The following CFTR variants were observed in gnomAD, a reference collection of about 807,000 sequenced individuals.
The protein encoded by CFTR is CF transmembrane conductance regulator.
In CFTR, 181 loss-of-function variants were observed where a neutral mutation model predicts 171.6. The observed-to-expected ratio is 1.05, with a 90% CI of 0.93 to 1.19. The LOEUF is 1.19. CFTR is among the 50% of genes most tolerant of loss of function. The pLI is 0.00. For synonymous variants in CFTR, 583 were observed against 608.0 expected (o/e 0.96, Z 0.60); for missense variants, 1,968 against 1,734.7 (o/e 1.13, Z -2.39).
chr7:117,554,835 C>T (rs139600152), intron 10 of CFTR, among the ~76,000 whole-genome samples: 6 of 151,992 alleles, frequency 3.9e-5, no homozygotes, highest in East Asian at 1.9e-4. Flanking sequence ...TTCTGAAATA[C>T]GGAGATAACT....
intron 22 of CFTR, among the ~76,000 whole-genome samples, chr7:117,634,741 C>T (rs1421012959): frequency 6.6e-6 from 1 of 151,992 alleles, no homozygotes; most frequent in Non-Finnish European, 1.5e-5. Flanking sequence ...TGTTTAATCA[C>T]CATTTTTAAA....
At chr7:117,535,524 AATTT>A in intron 6 of CFTR, 113 bp downstream of exon 6, 3 of 774,646 alleles carry the variant, frequency 3.9e-6, no homozygotes, top group Non-Finnish European at 6.0e-6. Context: ...AGTGTCATTA[AATTT>A]TTTTTTTTTT....
chr7:117,646,499 G>A (rs1419035521), intron 23 of CFTR, among the ~76,000 whole-genome samples: 1 of 152,100 alleles, frequency 6.6e-6, no homozygotes, highest in East Asian at 1.9e-4. Flanking sequence ...AGAAAAAGCT[G>A]AGGGGCAAAA....
chr7:117,635,235 T>C (rs750619779), intron 22 of CFTR, among the ~76,000 whole-genome samples: 5 of 152,134 alleles, frequency 3.3e-5, no homozygotes. Context: ...ATGTCTGTTC[T>C]CTCTGAAAGA....
At chr7:117,557,270 C>A (rs553208763) in intron 10 of CFTR, among the ~76,000 whole-genome samples, 3 of 152,132 alleles carry the variant, frequency 2.0e-5, no homozygotes, top group South Asian at 4.1e-4. Flanking sequence ...CAAATTATTT[C>A]TACTGCTTGG....
Position 117,590,373 on chromosome 7 carries a change from A to C in CFTR, c.1700A>C (p.Asp567Ala), listed in dbSNP as rs1562907186. Reference sequence around the variant, plus strand: ...TTTAGAGCAGTATACAAAGATGCTGATTTGTATTTATTAGACTCTCCTTTT... The same window carrying C: ...TTTAGAGCAGTATACAAAGATGCTGCTTTGTATTTATTAGACTCTCCTTTT... ...SLARAVYKDADLYLLDSPFGY... is the reference protein window; with the variant it reads ...SLARAVYKDAALYLLDSPFGY... The change falls in exon 13 of 27, where the codon GAT becomes GCT. Residue 567 changes from aspartate to alanine, a missense_variant. Asp to Ala is a moderately radical substitution (Grantham distance 126, BLOSUM62 -2). Transcript: ENST00000003084. 2 of 1,603,150 alleles carry C rather than the reference A, an allele frequency of 1.2e-6. No individual in the cohort carries two copies. Among genetic ancestry groups the C allele is most frequent in the Non-Finnish European group, 1.7e-6 (2 of 1,172,166 alleles).
rs568626274 is a variant in CFTR, at chr7:117,538,449, AT to A, written c.870-1642del. 6.2e-4 allele frequency among the ~76,000 whole-genome samples: 94 copies of A among 151,144 alleles called. 2 individuals are homozygous for A. The South Asian group carries it at 0.019, about 30-fold the overall frequency. On this transcript the variant is annotated intron_variant, in intron 7 of 26. Transcript: ENST00000003084. ...GATTCTTACAAATGTTCTTGGATCT[AT>A]TTTTTTTTCTTATAGTACCTATTCT...
intron 2 of CFTR, among the ~76,000 whole-genome samples, chr7:117,507,446 C>A (rs2237722): frequency 1.1e-4 from 17 of 152,174 alleles, no homozygotes; most frequent in African/African-American, 4.1e-4. Context: ...ACATTACTTC[C>A]GTGTGGACCA....
chr7:117,491,440 C>T (rs1403156015), intron 1 of CFTR, among the ~76,000 whole-genome samples: 1 of 152,130 alleles, frequency 6.6e-6, no homozygotes, highest in Middle Eastern at 3.4e-3. Flanking sequence ...AATTTGGTGG[C>T]TTAAATAACA....
At chr7:117,639,046 G>A (rs932054550) in intron 22 of CFTR, among the ~76,000 whole-genome samples, 4 of 152,052 alleles carry the variant, frequency 2.6e-5, no homozygotes, top group Non-Finnish European at 4.4e-5. Flanking sequence ...TGGGCATCTC[G>A]TTTAATTTTT....
chr7:117,539,708 A>G (rs957779214), intron 7 of CFTR, among the ~76,000 whole-genome samples: 1 of 152,160 alleles, frequency 6.6e-6, no homozygotes, highest in African/African-American at 2.4e-5. Flanking sequence ...TTAATTACTT[A>G]AAACACCAAC....
intron 3 of CFTR, among the ~76,000 whole-genome samples, chr7:117,513,626 A>AGGGATGGTGTT (rs1299011910): frequency 1.9e-4 from 29 of 152,306 alleles, no homozygotes; most frequent in African/African-American, 5.3e-4. Flanking sequence ...TCCCTAAAGA[A>AGGGATGGTGTT]GGGATGGTGT....
At chr7:117,617,428 A>G (rs532347791) in intron 21 of CFTR, among the ~76,000 whole-genome samples, 1 of 152,120 alleles carries the variant, frequency 6.6e-6, no homozygotes, top group African/African-American at 2.4e-5. Context: ...TGGTACACGA[A>G]ACTGTACAAC....
chr7:117,563,377 T>A (rs1185836919), intron 11 of CFTR, among the ~76,000 whole-genome samples: 2 of 152,108 alleles, frequency 1.3e-5, no homozygotes, highest in Non-Finnish European at 2.9e-5. Context: ...ATGGTCATGA[T>A]GGACAGGAAG....
intron 21 of CFTR, among the ~76,000 whole-genome samples, chr7:117,618,174 C>T (rs976045470): frequency 5.3e-5 from 8 of 152,142 alleles, no homozygotes; most frequent in Non-Finnish European, 8.8e-5. Context: ...TATATCTCAG[C>T]CCTGTTCTAC....
intron 22 of CFTR, among the ~76,000 whole-genome samples, chr7:117,629,305 A>G (rs972434010): frequency 2.6e-5 from 4 of 152,226 alleles, no homozygotes; most frequent in African/African-American, 9.6e-5. Context: ...CAAAATGACA[A>G]CAAATTTAGT....
intron 11 of CFTR, among the ~76,000 whole-genome samples, chr7:117,574,358 T>C (rs939139965): frequency 6.6e-6 from 1 of 152,112 alleles, no homozygotes; most frequent in South Asian, 2.1e-4. Flanking sequence ...CTCCTCATCC[T>C]ACCCCACTAT....
intron 1 of CFTR, among the ~76,000 whole-genome samples, chr7:117,490,571 C>A (rs903325799): frequency 6.6e-6 from 1 of 152,014 alleles, no homozygotes; most frequent in East Asian, 1.9e-4. Flanking sequence ...TTAGTGAGGG[C>A]AATCTGCTTT....
chr7:117,593,592 GTGTT>G lies in CFTR; in HGVS notation c.2490+954_2490+957del, dbSNP rs376034997. Among the ~76,000 whole-genome samples the G allele has an allele frequency of 4.1e-3, 621 of 151,702 alleles. 2 individuals are homozygous for G. The highest frequency in any genetic ancestry group is 0.01 in the Middle Eastern group (3 of 294). ...ATTCATCTATATAGTGTTTTTTTGT[GTGTT>G]TGTTTGTTTGTTTGTTTGAGATGGA... On this transcript the variant is annotated intron_variant, in intron 14 of 26. Transcript: ENST00000003084.
Sources: allele counts gnomAD v4.1 joint callset (sites outside exome capture counted in the v4.1 genomes callset), GRCh38; gene constraint gnomAD v4.1.1; transcripts MANE v1.5; gene names NCBI Gene and HGNC (gene_info 2026-07-23, HGNC 2026-07-21).